DHDDS: variants seen among roughly 807,000 people sequenced by gnomAD.
The protein encoded by DHDDS is dehydrodolichyl diphosphate synthase complex subunit DHDDS.
A neutral mutation model predicts 46.2 loss-of-function variants in DHDDS; 16 were observed. The ratio of observed to expected loss-of-function variants is 0.35; its 90% CI spans 0.23 to 0.53. DHDDS has a LOEUF of 0.53. Ranked by LOEUF, DHDDS falls within the 20% of genes least tolerant of loss-of-function variation. The probability of loss-of-function intolerance (pLI) is 0.94; values close to 1 mark genes in which losing one functional copy is unlikely to be tolerated. For synonymous variants in DHDDS, 151 were observed against 163.1 expected, an observed-to-expected ratio of 0.93 and a Z score of 0.56; for missense variants, 340 against 423.7, an observed-to-expected ratio of 0.80 and a Z score of 1.73.
chr1:26,440,868 A>G (rs1269243799), intron 3 of DHDDS, among the ~76,000 whole-genome samples: 3 of 150,800 alleles, frequency 2.0e-5, no homozygotes, highest in Non-Finnish European at 4.4e-5. Flanking sequence ...ACCTCTCAAC[A>G]TTGTTCTCCA....
chr1:26,453,804 T>G (rs1242340118), intron 6 of DHDDS, among the ~76,000 whole-genome samples: 1 of 152,140 alleles, frequency 6.6e-6, no homozygotes, highest in Non-Finnish European at 1.5e-5. Flanking sequence ...ACTGATATTT[T>G]ACCGTTATTT....
chr1:26,435,149 A>G (rs1372778577), intron 2 of DHDDS, among the ~76,000 whole-genome samples: 1 of 151,320 alleles, frequency 6.6e-6, no homozygotes, highest in Non-Finnish European at 1.5e-5. Context: ...AGCTGGGATT[A>G]CAGGCGCTCG....
chr1:26,451,997 T>C (rs916531065), intron 6 of DHDDS, among the ~76,000 whole-genome samples: 4 of 152,150 alleles, frequency 2.6e-5, no homozygotes, highest in African/African-American at 9.7e-5. Flanking sequence ...TCTGCCCACC[T>C]TGGCCTCCCA....
chr1:26,446,449 C>G lies in DHDDS; in HGVS notation c.440+17C>G. On this transcript the variant is annotated intron_variant, in intron 5 of 8. Transcript: ENST00000236342. ...CTACAACAAGTAAGTTCTCAGATTT[C>G]CCTATAGGGAGCTGTTTCAATCTTT... 1 of 1,609,938 alleles carries G rather than the reference C, an allele frequency of 6.2e-7. No individual in the cohort carries two copies. The highest frequency in any genetic ancestry group is 8.5e-7 in the Non-Finnish European group (1 of 1,176,570).
At chr1:26,458,819 G>T (rs1210622271) in intron 7 of DHDDS, among the ~76,000 whole-genome samples, 1 of 151,762 alleles carries the variant, frequency 6.6e-6, no homozygotes, top group Non-Finnish European at 1.5e-5. Flanking sequence ...CTCAGATCAC[G>T]TTTGGGAAGT....
chr1:26,437,925 C>T (rs1052914674), intron 2 of DHDDS, among the ~76,000 whole-genome samples: 1 of 152,070 alleles, frequency 6.6e-6, no homozygotes, highest in Non-Finnish European at 1.5e-5. Flanking sequence ...AGGCTACAGT[C>T]AGCTGTGATC....
intron 8 of DHDDS, chr1:26,462,618 G>A (rs963666051): frequency 1.3e-5 from 2 of 152,170 alleles, no homozygotes; most frequent in African/African-American, 4.8e-5. Context: ...GAGTGAACTG[G>A]CTCTGCATGA....
At chr1:26,463,147 A>G (rs372647272) in intron 8 of DHDDS, among the ~76,000 whole-genome samples, 1 of 152,200 alleles carries the variant, frequency 6.6e-6, no homozygotes, top group Non-Finnish European at 1.5e-5. Context: ...TCTGAGTTGC[A>G]TTTTGTAAAA....
At chr1:26,433,506 G>A (rs868096742) in intron 2 of DHDDS, among the ~76,000 whole-genome samples, 1 of 151,910 alleles carries the variant, frequency 6.6e-6, no homozygotes, top group South Asian at 2.1e-4. Flanking sequence ...AAAAATAGCA[G>A]GGCTTGGTGG....
intron 6 of DHDDS, chr1:26,454,631 A>C: frequency 8.7e-7 from 1 of 1,145,466 alleles, no homozygotes; most frequent in Non-Finnish European, 1.3e-6. Flanking sequence ...TTTAATGCTG[A>C]ATTTACTCCT....
At chr1:26,449,388 A>G (rs1023454242) in intron 6 of DHDDS, among the ~76,000 whole-genome samples, 11 of 151,958 alleles carry the variant, frequency 7.2e-5, no homozygotes, top group Admixed American at 6.6e-5. Context: ...GGCATGAGCC[A>G]TCACTCCTGG....
At chr1:26,446,142 G>A (rs1199689047) in intron 4 of DHDDS, among the ~76,000 whole-genome samples, 174 bp from the exon 5 acceptor site, 1 of 152,228 alleles carries the variant, frequency 6.6e-6, no homozygotes, top group East Asian at 1.9e-4. Flanking sequence ...CCTTGGCACT[G>A]AAGTAAGTTT....
chr1:26,455,607 T>G (rs181906005), intron 6 of DHDDS, among the ~76,000 whole-genome samples: 232 of 151,982 alleles, frequency 1.5e-3, no homozygotes, highest in African/African-American at 5.3e-3. Context: ...ATTAGCCGGG[T>G]GTGGTGGTGG....
chr1:26,455,522 A>AG (rs1487681671), intron 6 of DHDDS, among the ~76,000 whole-genome samples: 2 of 152,152 alleles, frequency 1.3e-5, no homozygotes, highest in African/African-American at 4.8e-5. Context: ...CGAGGCAGGC[A>AG]GATCACTTGA....
intron 5 of DHDDS, among the ~76,000 whole-genome samples, chr1:26,447,268 C>T (rs762013503): frequency 4.6e-5 from 7 of 151,876 alleles, no homozygotes; most frequent in Admixed American, 2.0e-4. Flanking sequence ...TGCAGTGAGT[C>T]GAGATCACGC....
At chr1:26,467,571 C>T (rs1208579255) in intron 8 of DHDDS, 3 of 314,234 alleles carry the variant, frequency 9.5e-6, no homozygotes, top group Non-Finnish European at 2.0e-5. Context: ...AAGTACCTCC[C>T]TCACAGCTCC....
chr1:26,446,273 C>A, intron 4 of DHDDS, 43 bp from the exon 5 acceptor site: 1 of 1,593,456 alleles, frequency 6.3e-7, no homozygotes, highest in South Asian at 1.1e-5. Flanking sequence ...CTCTCCAGCT[C>A]AGCAGGGGCC....
At chr1:26,467,592 T>C in intron 8 of DHDDS, 1 of 293,762 alleles carries the variant, frequency 3.4e-6, no homozygotes, top group Non-Finnish European at 7.2e-6. Flanking sequence ...ATTGTGAGGG[T>C]CAAGTGAGGC....
intron 2 of DHDDS, chr1:26,433,232 T>C: frequency 1.7e-6 from 1 of 600,588 alleles, no homozygotes; most frequent in Non-Finnish European, 3.0e-6. Flanking sequence ...TTAATGTCAC[T>C]GGGCAGCCTA....
Sources: allele counts gnomAD v4.1 joint callset (sites outside exome capture counted in the v4.1 genomes callset), GRCh38; gene constraint gnomAD v4.1.1; transcripts MANE v1.5; gene names NCBI Gene and HGNC (gene_info 2026-07-23, HGNC 2026-07-21).